The following MINDY2 variants were observed in gnomAD, a reference collection of about 807,000 sequenced individuals.
The protein encoded by MINDY2 is ubiquitin carboxyl-terminal hydrolase MINDY-2.
MINDY2 carries 52 observed loss-of-function variants against 68.2 expected under a neutral mutation model. That is an observed-to-expected ratio of 0.76 (90% CI 0.61 to 0.96). The LOEUF is 0.96. Ranked by LOEUF, MINDY2 falls within the 40% of genes least tolerant of loss-of-function variation. The pLI is 0.00. For synonymous variants in MINDY2, 372 were observed against 303.0 expected (o/e 1.23, Z -2.36); for missense variants, 881 against 773.4 (o/e 1.14, Z -1.65).
chr15:58,791,743 T>C (rs1901957504), intron 2 of MINDY2, among the ~76,000 whole-genome samples: 1 of 151,926 alleles, frequency 6.6e-6, no homozygotes, highest in Non-Finnish European at 1.5e-5. Context: ...CACATATTGC[T>C]ACTGGCTACT....
intron 4 of MINDY2, among the ~76,000 whole-genome samples, chr15:58,811,337 C>G (rs2030231179): frequency 6.6e-6 from 1 of 152,196 alleles, no homozygotes; most frequent in Admixed American, 6.5e-5. Flanking sequence ...TCTAGCAATC[C>G]AGATTTTGCC....
intron 6 of MINDY2, among the ~76,000 whole-genome samples, chr15:58,834,703 A>AT (rs1319593340): frequency 6.6e-6 from 1 of 151,964 alleles, no homozygotes; most frequent in Non-Finnish European, 1.5e-5. Flanking sequence ...TAAATATGTC[A>AT]TTTTTTTCTA....
In MINDY2 at chr15:58,851,833, A is replaced by T; in HGVS notation, c.1605A>T (p.Gln535His). The change falls in exon 8 of 9, where the codon CAA (glutamine) becomes CAT (histidine). Residue 535 changes from glutamine to histidine, a missense_variant. Gln to His is a conservative substitution (Grantham distance 24, BLOSUM62 0). Coordinates refer to ENST00000559228, the MANE Select transcript of MINDY2 (RefSeq NM_001040450.3). ...AGAGCCAAGAGATCAATTGGGAACA[A>T]ATCCCGGAAGGAATCAGTGATTTGG... ...EQQSQEINWE[Q>H]IPEGISDLEL... is the part of the protein sequence containing the mutation. The T allele has an allele frequency of 6.2e-7, 1 of 1,612,900 alleles. No individual in the cohort carries two copies.
Position 58,771,673 on chromosome 15 carries a change from A to T in MINDY2, c.278A>T (p.Glu93Val), listed in dbSNP as rs1188309910. The T allele has an allele frequency of 6.2e-7, 1 of 1,612,496 alleles. No individual in the cohort carries two copies. Among genetic ancestry groups the T allele is most frequent in the Non-Finnish European group, 8.5e-7 (1 of 1,179,890 alleles). Residue 93 changes from glutamate to valine, a missense_variant, in exon 1 of 9, where the codon GAG becomes GTG. Transcript: ENST00000559228. ...AGLDLKDSGLESPAAAEAPLR... is the reference protein window; with the variant it reads ...AGLDLKDSGLVSPAAAEAPLR... ...TTGGACTTGAAGGACAGTGGTTTGG[A>T]GAGTCCTGCTGCCGCCGAGGCGCCT... is the stretch of plus-strand genomic sequence containing the variant.
chr15:58,859,218 A>C lies in MINDY2; in HGVS notation c.*4608A>C, dbSNP rs2033148302. On this transcript the variant is annotated 3_prime_UTR_variant, in exon 9 of 9. Transcript: ENST00000559228. The stretch of plus-strand genomic sequence containing the variant: ...AAATCAAGAGTATTTTGAGAGGATC[A>C]GAAGCATTTAAAAATCTATTTTTTT... 1 of 152,130 alleles carries C rather than the reference A, an allele frequency of 6.6e-6. No individual in the cohort carries two copies. Among genetic ancestry groups the C allele is most frequent in the Non-Finnish European group, 1.5e-5 (1 of 67,980 alleles). The allele number at this position is 152,130 out of a possible 1,614,324, so 9.4% of individuals were successfully genotyped here. A position where few individuals can be genotyped will look rare whatever the true frequency, so the allele number is the denominator to read the frequency against.
At chr15:58,803,032 C>G (rs769582095) in intron 3 of MINDY2, among the ~76,000 whole-genome samples, 1 of 152,144 alleles carries the variant, frequency 6.6e-6, no homozygotes, top group Non-Finnish European at 1.5e-5. Context: ...ATCGTTGGAA[C>G]CTTCATATTT....
intron 3 of MINDY2, among the ~76,000 whole-genome samples, chr15:58,808,882 G>A (rs2030014358): frequency 2.0e-5 from 3 of 152,228 alleles, no homozygotes; most frequent in African/African-American, 7.2e-5. Flanking sequence ...GGGATTACAG[G>A]TGGGAGCCAC....
chr15:58,815,703 GAC>G (rs1455222161), intron 4 of MINDY2: 1 of 150,182 alleles, frequency 6.7e-6, no homozygotes, highest in Non-Finnish European at 1.5e-5. Flanking sequence ...TTTTTTTTTG[GAC>G]AGAGTCTCAC....
chr15:58,787,010 A>C (rs1237147944), intron 1 of MINDY2, among the ~76,000 whole-genome samples: 2 of 152,046 alleles, frequency 1.3e-5, no homozygotes, highest in Non-Finnish European at 2.9e-5. Context: ...TTGTAGTTTT[A>C]GTAGAGGCAG....
At position 58,851,785 on chromosome 15, in the gene MINDY2, A is replaced by G; in HGVS notation, c.1557A>G (p.Ala519=). The change falls in exon 8 of 9, where the codon GCA becomes GCG. Residue 519 remains alanine (A), a synonymous_variant. Coordinates refer to ENST00000559228, the MANE Select transcript of MINDY2 (RefSeq NM_001040450.3). ...TAATTTATTAGGATTATCTTATGGC[A>G]TTATCTCTACAACAAGAACAGCAGA... The part of the protein sequence containing the change: ...QDQIDQDYLM[A]LSLQQEQQSQ... The G allele has an allele frequency of 1.3e-6, 2 of 1,585,582 alleles. No homozygotes were observed. Among genetic ancestry groups the G allele is most frequent in the Non-Finnish European group, 1.7e-6 (2 of 1,171,908 alleles).
At chr15:58,778,391 G>A (rs1456631107) in intron 1 of MINDY2, among the ~76,000 whole-genome samples, 2 of 151,832 alleles carry the variant, frequency 1.3e-5, no homozygotes, top group Non-Finnish European at 1.5e-5. Context: ...CCTGTTCCAA[G>A]TCATGGGAGG....
At chr15:58,832,057 C>T (rs1420419640) in intron 6 of MINDY2, 141 bp downstream of exon 6, 2 of 710,670 alleles carry the variant, frequency 2.8e-6, no homozygotes, top group East Asian at 3.1e-5. Flanking sequence ...TTATTAAATA[C>T]AGTACTTCTT....
At chr15:58,803,844 C>T (rs1247182837) in intron 3 of MINDY2, among the ~76,000 whole-genome samples, 2 of 148,298 alleles carry the variant, frequency 1.3e-5, no homozygotes, top group African/African-American at 2.5e-5. Context: ...CGTGGTGGCT[C>T]ACGCCTGTAA....
At chr15:58,832,050 T>C in intron 6 of MINDY2, 134 bp downstream of exon 6, 1 of 736,950 alleles carries the variant, frequency 1.4e-6, no homozygotes, top group Non-Finnish European at 2.0e-6. Context: ...AAGGTAATTA[T>C]TAAATACAGT....
rs2032905899 is a variant in MINDY2 at position 58,852,963 on chromosome 15, TTTTTTTTAA to T, written c.1737+999_1737+1007del. On this transcript the variant is annotated intron_variant, in intron 8 of 8. Transcript: ENST00000559228. ...TTTTTTTTTTTTTTTTTTTTTTTTT[TTTTTTTTAA>T]GACAGAGTCTCACTCTGTTGCCCAG... 4.9e-4 allele frequency among the ~76,000 whole-genome samples: 22 copies of T among 45,132 alleles called. 1 individual carries two copies. The highest frequency in any genetic ancestry group is 1.2e-3 in the South Asian group (2 of 1,604). The allele number at this position is 45,132 out of a possible 152,430, so 29.6% of individuals were successfully genotyped here. A position where few individuals can be genotyped will look rare whatever the true frequency, so the allele number is the denominator to read the frequency against.
At position 58,851,979 on chromosome 15, in the gene MINDY2, T is replaced by A. The variant is rs1172489696; in HGVS notation, c.1737+14T>A. ...ACACAGGCTCAGGTAAAAACTAGTG[T>A]TTTGAGTCTTAAATGTGATGATCAT... On this transcript the variant is annotated intron_variant, in intron 8 of 8. Transcript: ENST00000559228. 6.4e-7 allele frequency: 1 copy of A among 1,561,550 alleles called. No individual in the cohort carries two copies. The highest frequency in any genetic ancestry group is 8.6e-7 in the Non-Finnish European group (1 of 1,159,930).
intron 7 of MINDY2, among the ~76,000 whole-genome samples, chr15:58,849,810 C>T (rs567907359): frequency 3.3e-5 from 5 of 152,192 alleles, no homozygotes; most frequent in East Asian, 1.9e-4. Context: ...GGTGCGATCT[C>T]GGCTCACTGC....
chr15:58,832,780 C>A (rs1422603495), intron 6 of MINDY2, among the ~76,000 whole-genome samples: 5 of 152,160 alleles, frequency 3.3e-5, no homozygotes. Context: ...CCCGCCTCAG[C>A]CTCCCAAAGT....
intron 7 of MINDY2, among the ~76,000 whole-genome samples, chr15:58,850,012 C>A (rs1481038712): frequency 6.6e-6 from 1 of 152,118 alleles, no homozygotes; most frequent in African/African-American, 2.4e-5. Context: ...GCTGGGATTA[C>A]AGGCGTGAGC....
Sources: gnomAD v4.1 joint callset for allele counts (sites outside exome capture counted in the v4.1 genomes callset) on GRCh38, gnomAD v4.1.1 for gene constraint, MANE v1.5 for transcripts, NCBI Gene and HGNC (gene_info 2026-07-23, HGNC 2026-07-21) for gene names.